Variants in MAP2 observed in about 807,000 individuals in gnomAD.
MAP2 encodes the protein microtubule-associated protein 2.
In MAP2, 14 loss-of-function variants were observed where a neutral mutation model predicts 137.6. The ratio of observed to expected loss-of-function variants is 0.10; its 90% CI spans 0.07 to 0.16. MAP2 has a LOEUF of 0.16. MAP2 is among the 10% of genes least tolerant of loss of function. The probability of loss-of-function intolerance (pLI) is 1.00; values close to 1 mark genes in which losing one functional copy is unlikely to be tolerated. For missense variants in MAP2, 2,088 were observed against 2,191.5 expected, an observed-to-expected ratio of 0.95 and a Z score of 0.94; for synonymous variants, 786 against 782.3, an observed-to-expected ratio of 1.00 and a Z score of -0.08.
intron 3 of MAP2, among the ~76,000 whole-genome samples, chr2:209,591,052 T>G (rs2079104418): frequency 6.6e-6 from 1 of 152,176 alleles, no homozygotes; most frequent in African/African-American, 2.4e-5. Context: ...GTTTGTTTGT[T>G]TTTGTTTTTG....
intron 7 of MAP2, among the ~76,000 whole-genome samples, chr2:209,688,214 A>C (rs1258028165): frequency 6.6e-6 from 1 of 152,134 alleles, no homozygotes; most frequent in African/African-American, 2.4e-5. Flanking sequence ...AAAGAGAGAG[A>C]GAAAGAGAGA....
chr2:209,720,638 C>CAAA (rs3036697), intron 13 of MAP2, among the ~76,000 whole-genome samples: 7 of 72,752 alleles, frequency 9.6e-5, no homozygotes, highest in African/African-American at 2.4e-4. Context: ...TACTTGGTCT[C>CAAA]AAAAAAAAAA....
Position 209,711,417 on chromosome 2 carries a change from AG to A in MAP2, c.5073+1166del, listed in dbSNP as rs2065417535. Among the ~76,000 whole-genome samples, 5 of 152,182 alleles carry A rather than the reference AG, an allele frequency of 3.3e-5. No homozygotes were observed. The South Asian group carries it at 8.3e-4, about 25-fold the overall frequency. On this transcript the variant is annotated intron_variant, in intron 13 of 15. Coordinates refer to ENST00000682079, the MANE Select transcript of MAP2 (RefSeq NM_001375505.1). The stretch of plus-strand genomic sequence containing the variant: ...TTTGCTGTCTCTTTATGGCTCTGTA[AG>A]GGAAAGCCCAAAGAGTTAAGAAAAA...
rs2092095708 is a variant in MAP2, at chr2:209,625,334, A to G, written c.-30+205A>G. On this transcript the variant is annotated intron_variant, in intron 4 of 15. Coordinates refer to ENST00000682079, the MANE Select transcript of MAP2 (RefSeq NM_001375505.1). ...AACAGCACTTCATAGTGTTGAGTTG[A>G]CTTAATAGTAAGAAAATGACAAGCT... Among the ~76,000 whole-genome samples the G allele has an allele frequency of 2.6e-5, 4 of 152,290 alleles. No individual in the cohort carries two copies. The South Asian group carries it at 8.3e-4, about 32-fold the overall frequency.
At chr2:209,706,321 C>T (rs1165630777) in intron 12 of MAP2, among the ~76,000 whole-genome samples, 1 of 152,040 alleles carries the variant, frequency 6.6e-6, no homozygotes, top group African/African-American at 2.4e-5. Flanking sequence ...TTGTGGCAAA[C>T]TATCTAGTAA....
At position 209,517,400 on chromosome 2, in the gene MAP2, TATC is replaced by T. The variant is rs528545923; in HGVS notation, c.-172+9762_-172+9764del. Among the ~76,000 whole-genome samples the T allele has an allele frequency of 3.0e-4, 46 of 152,208 alleles. 1 individual carries two copies. Among genetic ancestry groups the T allele is most frequent in the South Asian group, 2.9e-3 (14 of 4,828 alleles). On this transcript the variant is annotated intron_variant, in intron 2 of 15. Coordinates refer to ENST00000682079, the MANE Select transcript of MAP2 (RefSeq NM_001375505.1). The stretch of plus-strand genomic sequence containing the variant: ...TAATTAACAAGAAAACTTTTAGAAA[TATC>T]ATGTGTTTTGTCACCACAATGTGTG...
rs1268545646 is a variant in MAP2, at chr2:209,700,311, A to G, written c.4557A>G (p.Val1519=). ...GGGAATCAGCTCTGGCTCCCAGTGT[A>G]TTTAAACAGGCAAAGGACAAAGTCT... ...AGGESALAPS[V]FKQAKDKVSD... Residue 1519 remains valine, a synonymous_variant, in exon 11 of 16, where the codon GTA becomes GTG. Transcript: ENST00000682079. 1.2e-6 allele frequency: 2 copies of G among 1,613,558 alleles called. No individual in the cohort carries two copies. The highest frequency in any genetic ancestry group is 8.5e-7 in the Non-Finnish European group (1 of 1,179,714).
At chr2:209,719,947 A>G (rs1367749722) in intron 13 of MAP2, among the ~76,000 whole-genome samples, 3 of 152,340 alleles carry the variant, frequency 2.0e-5, no homozygotes, top group South Asian at 2.1e-4. Context: ...CACTGGAGGT[A>G]TTGATTGCAC....
intron 12 of MAP2, 38 bp from the exon 13 acceptor site, chr2:209,709,876 T>C (rs1234016662): frequency 6.8e-7 from 1 of 1,470,940 alleles, no homozygotes; most frequent in Admixed American, 1.8e-5. Flanking sequence ...GAGAATTGTC[T>C]GACTCTGGTT....
chr2:209,499,584 C>A (rs1298425184), intron 1 of MAP2, among the ~76,000 whole-genome samples: 1 of 151,926 alleles, frequency 6.6e-6, no homozygotes, highest in East Asian at 1.9e-4. Flanking sequence ...AAAGAAATAC[C>A]CAAGACTGGG....
At chr2:209,725,398 T>C (rs1328032436) in intron 13 of MAP2, among the ~76,000 whole-genome samples, 1 of 152,218 alleles carries the variant, frequency 6.6e-6, no homozygotes, top group African/African-American at 2.4e-5. Flanking sequence ...TTAAACAGTG[T>C]TGCTTAGTTC....
At chr2:209,560,712 G>A (rs997635096) in intron 2 of MAP2, among the ~76,000 whole-genome samples, 1 of 151,924 alleles carries the variant, frequency 6.6e-6, no homozygotes, top group Non-Finnish European at 1.5e-5. Flanking sequence ...GATTTCTTGT[G>A]GGCAAATGGA....
intron 3 of MAP2, among the ~76,000 whole-genome samples, chr2:209,611,682 A>G (rs1243213187): frequency 1.3e-5 from 2 of 152,082 alleles, no homozygotes; most frequent in Non-Finnish European, 2.9e-5. Flanking sequence ...ATGAGTCCAT[A>G]ACAGTGTTAG....
chr2:209,428,923 TTTTATTTA>T lies in MAP2; in HGVS notation c.-222+4687_-222+4694del, dbSNP rs200198018. On this transcript the variant is annotated intron_variant, in intron 1 of 15. Transcript: ENST00000682079. ...GCCTTCTTTGAATTACTTTATTTTATTTTATTTATTTATTTATTTATTTATTTATTTAT... is the reference window on the plus strand; with the variant it reads ...GCCTTCTTTGAATTACTTTATTTTATTTTATTTATTTATTTATTTATTTAT... Among the ~76,000 whole-genome samples the T allele has an allele frequency of 9.3e-4, 136 of 146,428 alleles. 1 individual carries two copies. Among genetic ancestry groups the T allele is most frequent in the East Asian group, 6.4e-3 (31 of 4,842 alleles).
At chr2:209,647,242 C>G (rs2094477140) in intron 4 of MAP2, among the ~76,000 whole-genome samples, 1 of 152,110 alleles carries the variant, frequency 6.6e-6, no homozygotes. Flanking sequence ...CTATCAGTCC[C>G]CACCTCCAAC....
At position 209,528,788 on chromosome 2, in the gene MAP2, A is replaced by ATATATG. The variant is rs1440039763; in HGVS notation, c.-172+21150_-172+21155dup. Among the ~76,000 whole-genome samples, 20 of 148,264 alleles carry ATATATG rather than the reference A, an allele frequency of 1.3e-4. 1 individual carries two copies. Among genetic ancestry groups the ATATATG allele is most frequent in the South Asian group, 2.1e-4 (1 of 4,776 alleles). On this transcript the variant is annotated intron_variant, in intron 2 of 15. Coordinates refer to ENST00000682079, the MANE Select transcript of MAP2 (RefSeq NM_001375505.1). ...TATATGTATATGTACATATGTATGT[A>ATATATG]TATATGTACATGTACATATGTATGT...
intron 1 of MAP2, among the ~76,000 whole-genome samples, chr2:209,428,498 T>C (rs1249305550): frequency 6.6e-6 from 1 of 152,020 alleles, no homozygotes; most frequent in African/African-American, 2.4e-5. Flanking sequence ...TCTTTCCCTT[T>C]TCTTTTCTTC....
At chr2:209,529,748 C>T (rs186916523) in intron 2 of MAP2, among the ~76,000 whole-genome samples, 1 of 152,256 alleles carries the variant, frequency 6.6e-6, no homozygotes, top group Non-Finnish European at 1.5e-5. Flanking sequence ...ACATATGTCA[C>T]TAAGTACCTA....
intron 2 of MAP2, among the ~76,000 whole-genome samples, chr2:209,551,529 AG>A (rs1030711776): frequency 5.3e-5 from 8 of 152,210 alleles, no homozygotes; most frequent in Admixed American, 2.6e-4. Flanking sequence ...GTTCTGTTTT[AG>A]AGGACATTGT....
Sources: gnomAD v4.1 joint callset for allele counts (sites outside exome capture counted in the v4.1 genomes callset) on GRCh38, gnomAD v4.1.1 for gene constraint, MANE v1.5 for transcripts, NCBI Gene and HGNC (gene_info 2026-07-23, HGNC 2026-07-21) for gene names.